Variants in TNKS observed in about 807,000 individuals in gnomAD.
The protein encoded by TNKS is tankyrase, also known as poly [ADP-ribose] polymerase tankyrase-1.
In TNKS, 72 loss-of-function variants were observed where a neutral mutation model predicts 135.8. That is an observed-to-expected ratio of 0.53 (90% CI 0.44 to 0.64). The LOEUF is 0.64. TNKS is among the 30% of genes least tolerant of loss of function. The pLI, the probability that TNKS is intolerant of heterozygous loss-of-function variation, is 0.00. For missense variants in TNKS, 1,769 were observed against 1,674.0 expected (o/e 1.06, Z -0.99); for synonymous variants, 849 against 649.3 (o/e 1.31, Z -4.68).
At chr8:9,569,412 C>T (rs900785977) in intron 1 of TNKS, among the ~76,000 whole-genome samples, 1 of 152,188 alleles carries the variant, frequency 6.6e-6, no homozygotes, top group Admixed American at 6.5e-5. Context: ...TGAGTCGTTA[C>T]CCCTCTAACA....
At chr8:9,708,293 C>CTATATAATATTATATATATATAAATA (rs1804149584) in intron 8 of TNKS, 78 bp from the exon 9 acceptor site, 1 of 1,189,574 alleles carries the variant, frequency 8.4e-7, no homozygotes, top group Admixed American at 2.7e-5. Context: ...AATAATATTC[C>CTATATAATATTATATATATATAAATA]TACTTATTTA....
In TNKS at chr8:9,674,605, C is replaced by T. The variant is rs73526951; in HGVS notation, c.995-5346C>T. On this transcript the variant is annotated intron_variant, in intron 3 of 26. Coordinates refer to ENST00000310430, the MANE Select transcript of TNKS (RefSeq NM_003747.3). The stretch of plus-strand genomic sequence containing the variant: ...GGTACTAGCTAGTTACCTGTGCCTA[C>T]TGAATACCTGAAATATGGCTGGTGT... Among the ~76,000 whole-genome samples the T allele has an allele frequency of 1.4e-3, 213 of 152,282 alleles. 1 individual carries two copies. Among genetic ancestry groups the T allele is most frequent in the African/African-American group, 4.7e-3 (195 of 41,562 alleles).
intron 3 of TNKS, among the ~76,000 whole-genome samples, chr8:9,668,483 A>C (rs915221779): frequency 4.6e-5 from 7 of 152,236 alleles, no homozygotes; most frequent in African/African-American, 1.7e-4. Context: ...TTAGAAATAT[A>C]ATCTTAGAAC....
At chr8:9,745,234 C>A (rs13259379) in intron 17 of TNKS, among the ~76,000 whole-genome samples, 1 of 152,088 alleles carries the variant, frequency 6.6e-6, no homozygotes, top group East Asian at 1.9e-4. Flanking sequence ...GATAATACCA[C>A]GAGTGGTACC....
intron 2 of TNKS, among the ~76,000 whole-genome samples, chr8:9,582,888 C>T (rs554924359): frequency 3.7e-4 from 57 of 152,158 alleles, no homozygotes; most frequent in Non-Finnish European, 6.2e-4. Context: ...CATTTAGGGG[C>T]AGGCGCGGTG....
At chr8:9,620,754 A>G (rs893262679) in intron 3 of TNKS, among the ~76,000 whole-genome samples, 6 of 152,186 alleles carry the variant, frequency 3.9e-5, no homozygotes, top group African/African-American at 9.7e-5. Flanking sequence ...CTCTAGTTCA[A>G]ACGTCTGCTC....
At position 9,556,233 on chromosome 8, in the gene TNKS, C is replaced by A; in HGVS notation, c.294C>A (p.Thr98=). Residue 98 remains threonine, a synonymous_variant, in exon 1 of 27, where the codon ACC becomes ACA. Transcript: ENST00000310430. ...SCCSTTSTIC[T]VAAAPVVPAV... Reference sequence around the variant, plus strand: ...GCAGTACCACCAGCACAATCTGTACCGTCGCCGCCGCTCCCGTGGTCCCAG... The same window carrying A: ...GCAGTACCACCAGCACAATCTGTACAGTCGCCGCCGCTCCCGTGGTCCCAG... 2 of 1,614,194 alleles carry A rather than the reference C, an allele frequency of 1.2e-6. No individual in the cohort carries two copies. Among genetic ancestry groups the A allele is most frequent in the Non-Finnish European group, 1.7e-6 (2 of 1,180,038 alleles).
At chr8:9,687,376 C>G (rs367550475) in intron 5 of TNKS, among the ~76,000 whole-genome samples, 1 of 152,100 alleles carries the variant, frequency 6.6e-6, no homozygotes, top group African/African-American at 2.4e-5. Context: ...ACTGTAGTGC[C>G]AAAATCCCTT....
chr8:9,708,272 A>T, intron 8 of TNKS, 99 bp from the exon 9 acceptor site: 1 of 1,107,768 alleles, frequency 9.0e-7, no homozygotes, highest in Non-Finnish European at 1.2e-6. Flanking sequence ...AAATAGAGAA[A>T]TTCATAAAAT....
At chr8:9,583,177 A>C (rs1798234792) in intron 2 of TNKS, among the ~76,000 whole-genome samples, 1 of 151,796 alleles carries the variant, frequency 6.6e-6, no homozygotes, top group Non-Finnish European at 1.5e-5. Context: ...AAAAAAAAAA[A>C]AAAAAAAGTC....
chr8:9,751,698 C>G lies in TNKS; in HGVS notation c.2922C>G (p.Ala974=). ...AACCTCAGGCTACTGTAGTGAGTGC[C>G]TCTCTGATCTCACCAGCATCCACCC... The part of the protein sequence containing the change: ...CFKPQATVVS[A]SLISPASTPS... Residue 974 remains alanine (A), a synonymous_variant, in exon 19 of 27, where the codon GCC becomes GCG. Transcript: ENST00000310430. The G allele has an allele frequency of 1.2e-6, 2 of 1,614,170 alleles. No individual in the cohort carries two copies. The highest frequency in any genetic ancestry group is 1.6e-4 in the Middle Eastern group (1 of 6,062).
intron 1 of TNKS, among the ~76,000 whole-genome samples, chr8:9,567,303 C>G (rs1420293187): frequency 6.6e-6 from 1 of 152,132 alleles, no homozygotes; most frequent in African/African-American, 2.4e-5. Flanking sequence ...ACTATCTGGT[C>G]TTTTGTTCAG....
At chr8:9,571,257 T>A (rs1797747658) in intron 1 of TNKS, among the ~76,000 whole-genome samples, 1 of 152,182 alleles carries the variant, frequency 6.6e-6, no homozygotes, top group Non-Finnish European at 1.5e-5. Context: ...TATATATAGG[T>A]ACCTATCTAT....
intron 6 of TNKS, among the ~76,000 whole-genome samples, chr8:9,705,499 C>G (rs994993668): frequency 1.3e-5 from 2 of 152,140 alleles, no homozygotes; most frequent in African/African-American, 4.8e-5. Flanking sequence ...TGTCCCTCCC[C>G]AAGTCAAGAA....
chr8:9,587,174 G>T (rs967613647), intron 2 of TNKS, among the ~76,000 whole-genome samples: 2 of 151,972 alleles, frequency 1.3e-5, no homozygotes, highest in Non-Finnish European at 2.9e-5. Context: ...TGTCTTGGTG[G>T]ACCCAAAGTA....
intron 1 of TNKS, among the ~76,000 whole-genome samples, chr8:9,572,935 A>C (rs1193569715): frequency 2.0e-5 from 3 of 152,252 alleles, no homozygotes; most frequent in Admixed American, 1.3e-4. Flanking sequence ...CATTGAAAGC[A>C]ATATTTTCAT....
intron 1 of TNKS, among the ~76,000 whole-genome samples, chr8:9,563,300 T>C (rs1473011434): frequency 6.6e-6 from 1 of 152,136 alleles, no homozygotes; most frequent in African/African-American, 2.4e-5. Context: ...ATCTTCTTTT[T>C]TTATTAACTT....
At chr8:9,719,850 C>G (rs1384694902) in intron 11 of TNKS, among the ~76,000 whole-genome samples, 1 of 152,078 alleles carries the variant, frequency 6.6e-6, no homozygotes, top group Non-Finnish European at 1.5e-5. Flanking sequence ...TGTTTGAATC[C>G]TCAAATCTTT....
chr8:9,556,115 C>T lies in TNKS; in HGVS notation c.176C>T (p.Pro59Leu), dbSNP rs1391794186. The change falls in exon 1 of 27, where the codon CCG (proline) becomes CTG (leucine). Residue 59 changes from proline (P) to leucine (L), a missense_variant. Transcript: ENST00000310430. ...TASGLAPFAS[P>L]RHGLALPEGD... Reference sequence around the variant, plus strand: ...AGCGGCCTGGCCCCCTTCGCCTCCCCGCGGCACGGCCTAGCGCTGCCGGAG... The same window carrying T: ...AGCGGCCTGGCCCCCTTCGCCTCCCTGCGGCACGGCCTAGCGCTGCCGGAG... 2 of 1,601,024 alleles carry T rather than the reference C, an allele frequency of 1.2e-6. No homozygotes were observed. The highest frequency in any genetic ancestry group is 8.5e-7 in the Non-Finnish European group (1 of 1,174,332).
Sources: gnomAD v4.1 joint callset for allele counts (sites outside exome capture counted in the v4.1 genomes callset) on GRCh38, gnomAD v4.1.1 for gene constraint, MANE v1.5 for transcripts, NCBI Gene and HGNC (gene_info 2026-07-23, HGNC 2026-07-21) for gene names.